ASPH: variants seen among roughly 807,000 people sequenced by gnomAD.
The protein encoded by ASPH is aspartate beta-hydroxylase, also known as aspartyl/asparaginyl beta-hydroxylase.
ASPH carries 100 observed loss-of-function variants against 118.4 expected under a neutral mutation model. The observed-to-expected ratio is 0.84, with a 90% CI of 0.72 to 1.00. The LOEUF (loss-of-function observed/expected upper bound fraction) is 1.00, where lower values mean the gene tolerates loss of function less well. Ranked by LOEUF, ASPH falls within the 50% of genes least tolerant of loss-of-function variation. The pLI is 0.00. For missense variants in ASPH, 920 were observed against 919.5 expected, an observed-to-expected ratio of 1.00 and a Z score of -0.01; for synonymous variants, 315 against 325.6, an observed-to-expected ratio of 0.97 and a Z score of 0.35.
At chr8:61,578,591 C>T (rs1836174545) in intron 15 of ASPH, 1 of 1,520,464 alleles carries the variant, frequency 6.6e-7, no homozygotes, top group African/African-American at 1.4e-5. Flanking sequence ...CCAAGTGGAG[C>T]CTCCTGCAGC....
At chr8:61,521,342 A>C (rs1465235962) in intron 22 of ASPH, among the ~76,000 whole-genome samples, 1 of 152,156 alleles carries the variant, frequency 6.6e-6, no homozygotes, top group African/African-American at 2.4e-5. Context: ...TAATATTACT[A>C]TCATATATTG....
At chr8:61,516,724 T>A (rs1811051514) in intron 24 of ASPH, among the ~76,000 whole-genome samples, 1 of 152,182 alleles carries the variant, frequency 6.6e-6, no homozygotes, top group African/African-American at 2.4e-5. Flanking sequence ...AATAGGTTTA[T>A]TTTGGACAGG....
chr8:61,567,143 T>C (rs1554641244), intron 17 of ASPH, 25 bp downstream of exon 17: 3 of 1,609,434 alleles, frequency 1.9e-6, no homozygotes, highest in South Asian at 2.2e-5. Context: ...CATTTCCTAC[T>C]GAATTACCTT....
chr8:61,529,982 G>C (rs1453037212), intron 21 of ASPH, among the ~76,000 whole-genome samples: 1 of 152,180 alleles, frequency 6.6e-6, no homozygotes, highest in Non-Finnish European at 1.5e-5. Flanking sequence ...AGATGAATGT[G>C]GGGGAGACAC....
intron 24 of ASPH, among the ~76,000 whole-genome samples, chr8:61,513,993 TG>T (rs1809879946): frequency 2.0e-5 from 3 of 152,138 alleles, no homozygotes; most frequent in Admixed American, 2.0e-4. Flanking sequence ...CTCCTGCATT[TG>T]TTTTTTTGTT....
At chr8:61,579,378 G>A (rs1158637105) in intron 15 of ASPH, 14 of 1,613,994 alleles carry the variant, frequency 8.7e-6, no homozygotes, top group African/African-American at 5.3e-5. Context: ...CCTGGACATC[G>A]AGATCGCCAC....
intron 1 of ASPH, among the ~76,000 whole-genome samples, chr8:61,686,550 A>G (rs1830621115): frequency 6.6e-6 from 1 of 152,188 alleles, no homozygotes; most frequent in Non-Finnish European, 1.5e-5. Context: ...AGAAAGACTT[A>G]TTTTCTAACA....
chr8:61,547,264 T>C (rs139384151), intron 21 of ASPH, among the ~76,000 whole-genome samples: 1,755 of 152,350 alleles, frequency 0.012, 23 homozygotes, highest in South Asian at 0.066. Flanking sequence ...CAATTATTTT[T>C]ATAGCTATTT....
rs576509474 is a variant in ASPH at position 61,674,147 on chromosome 8, C to T, written c.322+6821G>A. 7.9e-5 allele frequency among the ~76,000 whole-genome samples: 12 copies of T among 152,276 alleles called. 1 individual carries two copies. In the South Asian group the frequency reaches 8.3e-4, roughly 11 times the overall value. ...TATCTTCTAGTGTTAGTAGTAACAA[C>T]ACGTTAACAAATAAGATTCCTTTAA... On this transcript the variant is annotated intron_variant, in intron 3 of 24. Transcript: ENST00000379454.
chr8:61,670,356 A>T (rs1821826553), intron 3 of ASPH, among the ~76,000 whole-genome samples: 1 of 151,980 alleles, frequency 6.6e-6, no homozygotes, highest in Admixed American at 6.6e-5. Flanking sequence ...ACATGAACAA[A>T]GGTTTAGGAT....
chr8:61,546,826 TG>T (rs1040861613), intron 21 of ASPH, among the ~76,000 whole-genome samples: 34 of 152,300 alleles, frequency 2.2e-4, no homozygotes, highest in African/African-American at 7.7e-4. Context: ...AGAAAAATTA[TG>T]AAAAATTTCA....
At chr8:61,563,478 A>C (rs1284620924) in intron 17 of ASPH, among the ~76,000 whole-genome samples, 2 of 152,246 alleles carry the variant, frequency 1.3e-5, no homozygotes, top group Admixed American at 6.5e-5. Flanking sequence ...ATCATGAAAA[A>C]ACCCAGCTTC....
chr8:61,623,139 C>G (rs1229082342), intron 13 of ASPH, among the ~76,000 whole-genome samples: 2 of 152,152 alleles, frequency 1.3e-5, no homozygotes, highest in Non-Finnish European at 2.9e-5. Context: ...TTTGAGGAAC[C>G]TCCTAGTGGT....
At chr8:61,642,856 A>AC in intron 10 of ASPH, 32 bp downstream of exon 10, 1 of 1,417,710 alleles carries the variant, frequency 7.1e-7, no homozygotes, top group Non-Finnish European at 9.5e-7. Context: ...AAAAAAAAAA[A>AC]GAAAAAAAAA....
At chr8:61,622,827 G>C (rs1351853653) in intron 13 of ASPH, among the ~76,000 whole-genome samples, 2 of 152,166 alleles carry the variant, frequency 1.3e-5, no homozygotes, top group Admixed American at 1.3e-4. Flanking sequence ...AGAAAACTCA[G>C]CTCCCTGACA....
intron 22 of ASPH, among the ~76,000 whole-genome samples, chr8:61,523,320 CTTTTTTT>C (rs781759491): frequency 2.5e-5 from 3 of 118,232 alleles, no homozygotes; most frequent in South Asian, 2.5e-4. Flanking sequence ...TTCTTTCTTT[CTTTTTTT>C]TTTTTTTTTT....
At chr8:61,617,794 G>C (rs113262342) in intron 14 of ASPH, among the ~76,000 whole-genome samples, 3 of 151,696 alleles carry the variant, frequency 2.0e-5, no homozygotes, top group African/African-American at 7.3e-5. Context: ...ATTAGTTGGC[G>C]TGGTGGCATG....
intron 13 of ASPH, chr8:61,624,605 C>T (rs1481310926): frequency 3.0e-6 from 3 of 984,906 alleles, no homozygotes; most frequent in East Asian, 1.1e-4. Context: ...TTAGAAAATC[C>T]ACCGATGTTG....
At chr8:61,704,194 C>CAAAA (rs61553495) in intron 1 of ASPH, among the ~76,000 whole-genome samples, 4 of 40,448 alleles carry the variant, frequency 9.9e-5, no homozygotes, top group African/African-American at 4.7e-4. Flanking sequence ...GACTCCGTCT[C>CAAAA]AAAAAAAAAA....
Sources: gnomAD v4.1 joint callset for allele counts (sites outside exome capture counted in the v4.1 genomes callset) on GRCh38, gnomAD v4.1.1 for gene constraint, MANE v1.5 for transcripts, NCBI Gene and HGNC (gene_info 2026-07-23, HGNC 2026-07-21) for gene names.